The following MYH9 variants were observed in gnomAD, a reference collection of about 807,000 sequenced individuals.
The protein encoded by MYH9 is myosin-9.
In MYH9, 29 loss-of-function variants were observed where a neutral mutation model predicts 241.9. That is an observed-to-expected ratio of 0.12 (90% CI 0.09 to 0.16). The LOEUF (loss-of-function observed/expected upper bound fraction) is 0.16, where lower values mean the gene tolerates loss of function less well. Ranked by LOEUF, MYH9 falls within the 10% of genes least tolerant of loss-of-function variation. The probability of loss-of-function intolerance (pLI) is 1.00; values close to 1 mark genes in which losing one functional copy is unlikely to be tolerated. For missense variants in MYH9, 1,803 were observed against 2,595.5 expected, an observed-to-expected ratio of 0.69 and a Z score of 6.63; for synonymous variants, 1,047 against 1,062.6, an observed-to-expected ratio of 0.99 and a Z score of 0.29.
Position 36,293,320 on chromosome 22 carries a change from C to T in MYH9, c.4095+9G>A. ...TGCAGAGTCCGGCCGGTCCCCCAGG[C>T]CTCCAAACCTGGGCATGGAGGGTGG... On this transcript the variant is annotated intron_variant, in intron 30 of 40. Transcript: ENST00000216181. The surrounding 1 kb of genome is among the most constrained non-coding windows in gnomAD (Gnocchi z 5.1). 1 of 1,613,934 alleles carries T rather than the reference C, an allele frequency of 6.2e-7. No homozygotes were observed. Among genetic ancestry groups the T allele is most frequent in the Non-Finnish European group, 8.5e-7 (1 of 1,180,018 alleles).
intron 1 of MYH9, among the ~76,000 whole-genome samples, chr22:36,378,208 A>T (rs1337053731): frequency 6.6e-6 from 1 of 151,984 alleles, no homozygotes; most frequent in African/African-American, 2.4e-5. Context: ...ACGGAGGCCG[A>T]GGCTGTAGTG....
Position 36,327,505 on chromosome 22 carries a change from A to C in MYH9, c.491-17T>G. 6.2e-7 allele frequency: 1 copy of C among 1,613,948 alleles called. No homozygotes were observed. The highest frequency in any genetic ancestry group is 8.5e-7 in the Non-Finnish European group (1 of 1,179,880). On this transcript the variant is annotated splice_polypyrimidine_tract_variant and intron_variant, in intron 3 of 40. Coordinates refer to ENST00000216181, the MANE Select transcript of MYH9 (RefSeq NM_002473.6). ...CTTCTCGGTCTGAAACAAAGAAGAC[A>C]TCAGATTAACTCCCGCCAGATGCAA...
chr22:36,386,933 C>T (rs575531320), intron 1 of MYH9, among the ~76,000 whole-genome samples: 2 of 152,372 alleles, frequency 1.3e-5, no homozygotes, highest in South Asian at 4.1e-4. Flanking sequence ...CCCAGGCCTG[C>T]TCGTAACGGC....
intron 1 of MYH9, among the ~76,000 whole-genome samples, chr22:36,356,727 G>C (rs1048244764): frequency 6.6e-6 from 1 of 150,690 alleles, no homozygotes; most frequent in African/African-American, 2.5e-5. Context: ...AAGGCATAAA[G>C]ATCCCAGGGG....
rs1361128632 is a variant in MYH9, at chr22:36,293,226, T to C, written c.4095+103A>G. The C allele has an allele frequency of 8.7e-6, 13 of 1,490,720 alleles. No homozygotes were observed. Among genetic ancestry groups the C allele is most frequent in the Admixed American group, 1.8e-5 (1 of 57,032 alleles). The allele number at this position is 1,490,720 out of a possible 1,614,324, so 92.3% of individuals were successfully genotyped here. On this transcript the variant is annotated intron_variant, in intron 30 of 40. Transcript: ENST00000216181. This position sits in a 1 kb window ranked among gnomAD's most constrained non-coding sequence, Gnocchi z 5.1. ...TGGCTTCCCAGGGGGAGAGCAGCAATGGGCCGGCCCAGCGGGCAGGGCTGT... is the reference window on the plus strand; with the variant it reads ...TGGCTTCCCAGGGGGAGAGCAGCAACGGGCCGGCCCAGCGGGCAGGGCTGT...
chr22:36,378,984 G>T (rs570595870), intron 1 of MYH9, among the ~76,000 whole-genome samples: 56 of 151,902 alleles, frequency 3.7e-4, no homozygotes, highest in African/African-American at 1.4e-3. Context: ...AAAAAAAAAA[G>T]AAATGTTATT....
Position 36,285,694 on chromosome 22 carries a change from C to T in MYH9, c.5238G>A (p.Glu1746=), listed in dbSNP as rs764827587. The T allele has an allele frequency of 6.2e-7, 1 of 1,613,048 alleles. No homozygotes were observed. The highest frequency in any genetic ancestry group is 8.5e-7 in the Non-Finnish European group (1 of 1,180,012). ...EELEEEQGNT[E]LINDRLKKAN... ...CCTTCTTCAGCCGGTCGTTGATCAGCTCCGTGTTGCCCTGCTCCTCCTCCA... is the reference window on the plus strand; with the variant it reads ...CCTTCTTCAGCCGGTCGTTGATCAGTTCCGTGTTGCCCTGCTCCTCCTCCA... The change falls in exon 37 of 41, where the codon GAG becomes GAA. Residue 1746 remains glutamate, a synonymous_variant. Transcript: ENST00000216181. This position sits in a 1 kb window ranked among gnomAD's most constrained non-coding sequence, Gnocchi z 7.0.
intron 1 of MYH9, among the ~76,000 whole-genome samples, chr22:36,362,545 G>A (rs1261393150): frequency 1.3e-5 from 2 of 152,160 alleles, no homozygotes; most frequent in Non-Finnish European, 2.9e-5. Context: ...CTGGAGTGCA[G>A]TGGCACAATC....
rs936619506 is a variant in MYH9, at chr22:36,288,241, C to T, written c.4932+11G>A. The stretch of plus-strand genomic sequence containing the variant: ...GCCGCCCACCCTCACCTGGGCCCCG[C>T]CCACCCTTACCTGCAGCTTCCGCAG... On this transcript the variant is annotated intron_variant, in intron 34 of 40. Transcript: ENST00000216181. The surrounding 1 kb of genome is among the most constrained non-coding windows in gnomAD (Gnocchi z 4.8). 1.2e-6 allele frequency: 2 copies of T among 1,613,426 alleles called. No homozygotes were observed. The highest frequency in any genetic ancestry group is 2.7e-5 in the African/African-American group (2 of 74,914).
rs549024477 is a variant in MYH9, at chr22:36,305,268, T to C, written c.2160-166A>G. Among the ~76,000 whole-genome samples the C allele has an allele frequency of 6.6e-6, 1 of 152,332 alleles. No individual in the cohort carries two copies. Among genetic ancestry groups the C allele is most frequent in the African/African-American group, 2.4e-5 (1 of 41,576 alleles). On this transcript the variant is annotated intron_variant, in intron 17 of 40. Transcript: ENST00000216181. The surrounding 1 kb of genome is among the most constrained non-coding windows in gnomAD (Gnocchi z 4.7). Reference sequence around the variant, plus strand: ...CACAGGCAAATCCCACCCCACTCTTTTCTTCGGCTGAATGAGACAAGGAAG... The same window carrying C: ...CACAGGCAAATCCCACCCCACTCTTCTCTTCGGCTGAATGAGACAAGGAAG...
intron 1 of MYH9, among the ~76,000 whole-genome samples, chr22:36,374,608 T>G (rs2018138107): frequency 1.3e-5 from 2 of 152,204 alleles, no homozygotes; most frequent in African/African-American, 4.8e-5. Flanking sequence ...CCCAAGTCCT[T>G]TGGCTAGAAA....
In MYH9 at chr22:36,312,044, C is replaced by T; in HGVS notation, c.1728+5G>A. 6.2e-7 allele frequency: 1 copy of T among 1,614,014 alleles called. No homozygotes were observed. The highest frequency in any genetic ancestry group is 8.5e-7 in the Non-Finnish European group (1 of 1,179,996). On this transcript the variant is annotated splice_donor_5th_base_variant and intron_variant, in intron 14 of 40. Transcript: ENST00000216181. ...GGCCAGCACCTCCCCGTGAGCGCTC[C>T]TCACCTTGCCGGCATAGTGGATAAT...
chr22:36,293,810 G>A lies in MYH9; in HGVS notation c.3891C>T (p.Ser1297=), dbSNP rs1351011634. Residue 1297 remains serine, a synonymous_variant, in exon 29 of 41, where the codon AGC becomes AGT. Transcript: ENST00000216181. This position sits in a 1 kb window ranked among gnomAD's most constrained non-coding sequence, Gnocchi z 5.1. ...GCGCGGAGAAGTCCTTGGTGAGCTT[G>A]CTGGACTTGCTGTCGGACTGGCTGA... ...GLLSQSDSKS[S]KLTKDFSALE... is the part of the protein sequence containing the mutation. 6.2e-7 allele frequency: 1 copy of A among 1,613,984 alleles called. No homozygotes were observed. Among genetic ancestry groups the A allele is most frequent in the South Asian group, 1.1e-5 (1 of 91,082 alleles).
chr22:36,348,283 TG>T (rs1484303769), intron 2 of MYH9, among the ~76,000 whole-genome samples: 4 of 150,134 alleles, frequency 2.7e-5, no homozygotes, highest in African/African-American at 4.9e-5. Context: ...CCGAGGCGGG[TG>T]GATCACCTGA....
intron 11 of MYH9, among the ~76,000 whole-genome samples, chr22:36,317,722 C>A (rs1222293970): frequency 2.0e-5 from 3 of 152,232 alleles, no homozygotes; most frequent in Non-Finnish European, 4.4e-5. Flanking sequence ...GGCAGGCAGG[C>A]ACATCAGTCT....
Position 36,293,398 on chromosome 22 carries a change from C to G in MYH9, c.4026G>C (p.Arg1342=), listed in dbSNP as rs752488155. The G allele has an allele frequency of 6.2e-7, 1 of 1,614,018 alleles. No individual in the cohort carries two copies. Among genetic ancestry groups the G allele is most frequent in the East Asian group, 2.2e-5 (1 of 44,876 alleles). ...KQVEDEKNSF[R]EQLEEEEEAK... ...CCTCCTCCTCCTCCTCCAGCTGCTC[C>G]CGGAAGGAATTCTTCTCGTCCTCCA... The change falls in exon 30 of 41, where the codon CGG becomes CGC. Residue 1342 remains arginine, a synonymous_variant. Coordinates refer to ENST00000216181, the MANE Select transcript of MYH9 (RefSeq NM_002473.6). The surrounding 1 kb of genome is among the most constrained non-coding windows in gnomAD (Gnocchi z 5.1).
intron 1 of MYH9, among the ~76,000 whole-genome samples, chr22:36,363,572 G>A (rs1319383919): frequency 1.3e-5 from 2 of 152,276 alleles, no homozygotes; most frequent in East Asian, 3.9e-4. Context: ...CTGCAGATAA[G>A]TCATCTACAC....
chr22:36,379,899 G>A (rs1338366999), intron 1 of MYH9, among the ~76,000 whole-genome samples: 3 of 152,248 alleles, frequency 2.0e-5, no homozygotes, highest in South Asian at 2.1e-4. Context: ...GAAGCTAATC[G>A]TGGGAATGGG....
In MYH9 at chr22:36,284,101, G is replaced by C; in HGVS notation, c.5757C>G (p.Asn1919Lys). 2 of 1,614,214 alleles carry C rather than the reference G, an allele frequency of 1.2e-6. No homozygotes were observed. Among genetic ancestry groups the C allele is most frequent in the Non-Finnish European group, 1.7e-6 (2 of 1,180,026 alleles). ...AMNREVSSLK[N>K]KLRRGDLPFV... ...TGGGCAGGGCGGCTCACCTGAGCTT[G>C]TTCTTTAGGGAGCTGACTTCGCGGT... is the stretch of plus-strand genomic sequence containing the variant. Residue 1919 changes from asparagine (N) to lysine (K), a missense_variant, in exon 40 of 41, where the codon AAC (asparagine) becomes AAG (lysine). Asn to Lys is a moderately conservative substitution (Grantham distance 94). Around this residue, in one of 11 missense-constraint regions of MYH9, gnomAD observed 876 missense variants for 1,077.8 expected, o/e 0.81. Coordinates refer to ENST00000216181, the MANE Select transcript of MYH9 (RefSeq NM_002473.6).
Sources: allele counts gnomAD v4.1 joint callset (sites outside exome capture counted in the v4.1 genomes callset), GRCh38; gene constraint gnomAD v4.1.1; regional missense constraint gnomAD v4.1.1; non-coding constraint Gnocchi (gnomAD v3.1); transcripts MANE v1.5; gene names NCBI Gene and HGNC (gene_info 2026-07-23, HGNC 2026-07-21).